CAMSAP2: variants seen among roughly 807,000 people sequenced by gnomAD.
CAMSAP2 encodes calmodulin regulated spectrin associated protein family member 2.
In CAMSAP2, 26 loss-of-function variants were observed where a neutral mutation model predicts 146.1. The observed-to-expected ratio is 0.18, with a 90% CI of 0.13 to 0.25. The LOEUF (loss-of-function observed/expected upper bound fraction) is 0.25, where lower values mean the gene tolerates loss of function less well. Among genes scored for constraint, CAMSAP2 ranks in the 10% least tolerant of loss-of-function variants. The probability of loss-of-function intolerance (pLI) is 1.00; values close to 1 mark genes in which losing one functional copy is unlikely to be tolerated. For synonymous variants in CAMSAP2, 499 were observed against 596.6 expected (o/e 0.84, Z 2.38); for missense variants, 1,381 against 1,759.3 (o/e 0.78, Z 3.85).
At chr1:200,792,847 TC>T (rs1665791310) in intron 2 of CAMSAP2, among the ~76,000 whole-genome samples, 1 of 152,166 alleles carries the variant, frequency 6.6e-6, no homozygotes, top group African/African-American at 2.4e-5. Context: ...CTTAATTATA[TC>T]CATATCAGTA....
At chr1:200,809,880 G>A (rs892649007) in intron 3 of CAMSAP2, among the ~76,000 whole-genome samples, 7 of 152,190 alleles carry the variant, frequency 4.6e-5, no homozygotes, top group Non-Finnish European at 1.0e-4. Flanking sequence ...GGACTCTGCA[G>A]AGTCCTGAGG....
intron 11 of CAMSAP2, 122 bp downstream of exon 11, chr1:200,850,356 CATCCCCATTAACTAT>C: frequency 2.5e-6 from 2 of 793,130 alleles, no homozygotes; most frequent in Non-Finnish European, 3.9e-6. Context: ...GATACAAGTT[CATCCCCATTAACTAT>C]AGTAACATTC....
intron 4 of CAMSAP2, among the ~76,000 whole-genome samples, chr1:200,825,010 C>T (rs1666868781): frequency 6.6e-6 from 1 of 151,882 alleles, no homozygotes; most frequent in African/African-American, 2.4e-5. Context: ...AATTTAAAAA[C>T]CTACTAAGAA....
In CAMSAP2 at chr1:200,849,373, A is replaced by T; in HGVS notation, c.2604A>T (p.Ser868=). The T allele has an allele frequency of 2.5e-6, 4 of 1,614,126 alleles. No individual in the cohort carries two copies. The highest frequency in any genetic ancestry group is 3.4e-6 in the Non-Finnish European group (4 of 1,180,002). ...AGCAGTGGAACCTGGCAAGCCCCTCAGAAGAAACTTTAAATGAAGGAGAGA... is the reference window on the plus strand; with the variant it reads ...AGCAGTGGAACCTGGCAAGCCCCTCTGAAGAAACTTTAAATGAAGGAGAGA... ...PEKQWNLASP[S]EETLNEGEIL... is the part of the protein sequence containing the mutation. The change falls in exon 11 of 17, where the codon TCA becomes TCT. Residue 868 remains serine, a synonymous_variant. Transcript: ENST00000358823. This position sits in a 1 kb window ranked among gnomAD's most constrained non-coding sequence, Gnocchi z 6.3.
At chr1:200,757,556 C>A (rs774764242) in intron 1 of CAMSAP2, among the ~76,000 whole-genome samples, 13 of 151,344 alleles carry the variant, frequency 8.6e-5, no homozygotes, top group South Asian at 8.3e-4. Flanking sequence ...AACCCCTTAT[C>A]TTTGATTTTG....
At chr1:200,811,853 G>A (rs995204545) in intron 3 of CAMSAP2, among the ~76,000 whole-genome samples, 1 of 152,106 alleles carries the variant, frequency 6.6e-6, no homozygotes, top group African/African-American at 2.4e-5. Flanking sequence ...TAGGCTCATG[G>A]CCACTGTTCC....
intron 1 of CAMSAP2, among the ~76,000 whole-genome samples, chr1:200,748,235 A>G (rs1298506701): frequency 6.6e-6 from 1 of 151,664 alleles, no homozygotes; most frequent in Non-Finnish European, 1.5e-5. Flanking sequence ...ATCTCTAAAC[A>G]CTCCCCACCA....
intron 2 of CAMSAP2, among the ~76,000 whole-genome samples, chr1:200,777,764 A>T (rs1457663901): frequency 6.6e-6 from 1 of 152,320 alleles, no homozygotes; most frequent in African/African-American, 2.4e-5. Context: ...AATCTATATT[A>T]AAAAGTGTGA....
intron 2 of CAMSAP2, among the ~76,000 whole-genome samples, chr1:200,806,737 A>G (rs1434096450): frequency 7.0e-6 from 1 of 143,674 alleles, no homozygotes; most frequent in Non-Finnish European, 1.5e-5. Flanking sequence ...TAGAACTTCC[A>G]TATAATTGTG....
intron 1 of CAMSAP2, among the ~76,000 whole-genome samples, chr1:200,756,464 G>GA (rs919266609): frequency 9.1e-5 from 13 of 143,080 alleles, no homozygotes; most frequent in South Asian, 2.2e-4. Context: ...AAGAAAAAAA[G>GA]AAAAAAAAAA....
rs767483927 is a variant in CAMSAP2 at position 200,849,210 on chromosome 1, A to G, written c.2441A>G (p.Tyr814Cys). ...EAAGAEDEKVYTDRAKEKESQ... is the reference protein window; with the variant it reads ...EAAGAEDEKVCTDRAKEKESQ... ...GCGGGTGCAGAAGATGAGAAAGTAT[A>G]TACTGATCGAGCAAAAGAAAAGGAA... Residue 814 changes from tyrosine to cysteine, a missense_variant, in exon 11 of 17, where the codon TAT becomes TGT. Transcript: ENST00000358823. This position sits in a 1 kb window ranked among gnomAD's most constrained non-coding sequence, Gnocchi z 6.3. The G allele has an allele frequency of 4.3e-6, 7 of 1,613,916 alleles. No individual in the cohort carries two copies. Among genetic ancestry groups the G allele is most frequent in the Non-Finnish European group, 5.9e-6 (7 of 1,180,016 alleles).
intron 2 of CAMSAP2, among the ~76,000 whole-genome samples, chr1:200,775,780 C>A (rs1665260948): frequency 6.6e-6 from 1 of 152,168 alleles, no homozygotes; most frequent in Non-Finnish European, 1.5e-5. Flanking sequence ...ATCCACCCCC[C>A]TCGGCCTCCC....
At chr1:200,829,745 G>A (rs1314389186) in intron 4 of CAMSAP2, among the ~76,000 whole-genome samples, 1 of 152,124 alleles carries the variant, frequency 6.6e-6, no homozygotes, top group East Asian at 1.9e-4. Flanking sequence ...TGGGCAACTT[G>A]GCAAAACCTC....
chr1:200,775,316 A>G (rs1381783677), intron 2 of CAMSAP2, among the ~76,000 whole-genome samples: 1 of 152,206 alleles, frequency 6.6e-6, no homozygotes, highest in African/African-American at 2.4e-5. Flanking sequence ...TGATATGGAG[A>G]GTGATAAGAG....
Position 200,761,461 on chromosome 1 carries a change from C to T in CAMSAP2, c.399+363C>T, listed in dbSNP as rs186144952. On this transcript the variant is annotated intron_variant, in intron 2 of 16. Coordinates refer to ENST00000358823, the MANE Select transcript of CAMSAP2 (RefSeq NM_203459.4). ...TAATAAGTGCTGATTTATGGCCGGG[C>T]GCGGTGGCTCACGCCTGTAATCCCA... Among the ~76,000 whole-genome samples, 11 of 152,264 alleles carry T rather than the reference C, an allele frequency of 7.2e-5. No individual in the cohort carries two copies. The East Asian group carries it at 1.7e-3, about 24-fold the overall frequency.
intron 2 of CAMSAP2, among the ~76,000 whole-genome samples, chr1:200,782,542 A>G (rs897201759): frequency 1.3e-5 from 2 of 152,120 alleles, no homozygotes; most frequent in African/African-American, 4.8e-5. Flanking sequence ...AGAATTTCAT[A>G]TAGATGAAAG....
intron 2 of CAMSAP2, among the ~76,000 whole-genome samples, chr1:200,775,987 C>CAA (rs559487129): frequency 2.2e-5 from 3 of 139,392 alleles, no homozygotes; most frequent in African/African-American, 7.8e-5. Flanking sequence ...TCTTTAAAAA[C>CAA]AAAAAAAAAA....
rs374473632 is a variant in CAMSAP2 at position 200,759,280 on chromosome 1, A to ATT, written c.140-1544_140-1543dup. Reference sequence around the variant, plus strand: ...AAATTCTGCCGATTCCTGCTATTCTATTTTTTTTTTTTTTTTGAGATAGAG... The same window carrying ATT: ...AAATTCTGCCGATTCCTGCTATTCTATTTTTTTTTTTTTTTTTTGAGATAGAG... On this transcript the variant is annotated intron_variant, in intron 1 of 16. Transcript: ENST00000358823. 2.3e-3 allele frequency among the ~76,000 whole-genome samples: 295 copies of ATT among 128,874 alleles called. 5 individuals are homozygous for ATT. Among genetic ancestry groups the ATT allele is most frequent in the South Asian group, 0.011 (44 of 3,994 alleles). The allele number at this position is 128,874 out of a possible 152,430, so 84.5% of individuals were successfully genotyped here.
intron 2 of CAMSAP2, among the ~76,000 whole-genome samples, chr1:200,784,710 C>A (rs768333939): frequency 2.0e-5 from 3 of 152,142 alleles, no homozygotes; most frequent in Non-Finnish European, 4.4e-5. Context: ...AGTTTTACTT[C>A]TTCCTTTCCA....
Sources: gnomAD v4.1 joint callset for allele counts (sites outside exome capture counted in the v4.1 genomes callset) on GRCh38, gnomAD v4.1.1 for gene constraint, Gnocchi (gnomAD v3.1) non-coding constraint, MANE v1.5 for transcripts, NCBI Gene and HGNC (gene_info 2026-07-23, HGNC 2026-07-21) for gene names.